COL19A1: variants seen among roughly 807,000 people sequenced by gnomAD.
The protein encoded by COL19A1 is collagen alpha-1(XIX) chain.
In COL19A1, 159 loss-of-function variants were observed where a neutral mutation model predicts 190.2. The observed-to-expected ratio is 0.84, with a 90% CI of 0.73 to 0.95. The LOEUF (loss-of-function observed/expected upper bound fraction) is 0.95. Ranked by LOEUF, COL19A1 falls within the 40% of genes least tolerant of loss-of-function variation. The pLI, the probability that COL19A1 is intolerant of heterozygous loss-of-function variation, is 0.00. For missense variants in COL19A1, 1,418 were observed against 1,431.9 expected (o/e 0.99, Z 0.16); for synonymous variants, 509 against 458.9 (o/e 1.11, Z -1.39).
At chr6:70,084,836 A>T (rs1185766170) in intron 15 of COL19A1, among the ~76,000 whole-genome samples, 3 of 152,136 alleles carry the variant, frequency 2.0e-5, no homozygotes, top group Non-Finnish European at 4.4e-5. Context: ...ATTTTTATTA[A>T]TAAAATGTAA....
chr6:69,965,194 T>C (rs1316471435), intron 11 of COL19A1, among the ~76,000 whole-genome samples: 1 of 152,240 alleles, frequency 6.6e-6, no homozygotes, highest in Non-Finnish European at 1.5e-5. Context: ...ATTACCCTAC[T>C]GTGGCCTTTA....
Position 70,130,285 on chromosome 6 carries a change from G to C in COL19A1, c.1383+62G>C, listed in dbSNP as rs1230111463. 5 of 1,409,664 alleles carry C rather than the reference G, an allele frequency of 3.5e-6. No individual in the cohort carries two copies. The East Asian group carries it at 1.2e-4, about 34-fold the overall frequency. 87.3% of individuals were successfully genotyped at this position (1,409,664 alleles called of 1,614,324 possible). A position where few individuals can be genotyped will look rare whatever the true frequency, so the allele number is the denominator to read the frequency against. On this transcript the variant is annotated intron_variant, in intron 18 of 50. Coordinates refer to ENST00000620364, the MANE Select transcript of COL19A1 (RefSeq NM_001858.6). ...CTGTTGCCCAGGCTGGAGTGCAGTG[G>C]CACAATCTTGGCTCACTATAACCTC...
At chr6:70,144,778 GGTGAGTGA>G (rs769452942) in intron 24 of COL19A1, 132 bp from the exon 25 acceptor site, 4 of 664,138 alleles carry the variant, frequency 6.0e-6, no homozygotes, top group East Asian at 2.7e-5. Context: ...TGAGTGAGTT[GGTGAGTGA>G]GTGAGTGAGT....
intron 18 of COL19A1, among the ~76,000 whole-genome samples, chr6:70,132,427 C>T (rs1008808037): frequency 2.0e-5 from 3 of 152,142 alleles, no homozygotes; most frequent in Admixed American, 6.5e-5. Context: ...CAAACATGAG[C>T]ATAGCAGTTG....
chr6:70,083,983 T>A (rs989833194), intron 15 of COL19A1, among the ~76,000 whole-genome samples: 1 of 152,108 alleles, frequency 6.6e-6, no homozygotes, highest in South Asian at 2.1e-4. Flanking sequence ...TTCAACCTTT[T>A]TTCCCCCCGG....
intron 9 of COL19A1, among the ~76,000 whole-genome samples, chr6:69,949,542 T>A (rs575537557): frequency 1.3e-5 from 2 of 152,038 alleles, no homozygotes; most frequent in Admixed American, 1.3e-4. Flanking sequence ...AATTTCAAAA[T>A]TTTAAAATCA....
chr6:70,128,834 T>C (rs1785349629), intron 17 of COL19A1, among the ~76,000 whole-genome samples: 2 of 152,200 alleles, frequency 1.3e-5, no homozygotes, highest in Admixed American at 6.5e-5. Flanking sequence ...CTTTCTCATA[T>C]CTTTGTGACA....
intron 16 of COL19A1, among the ~76,000 whole-genome samples, chr6:70,106,057 G>A (rs1783939818): frequency 6.6e-6 from 1 of 152,026 alleles, no homozygotes; most frequent in Non-Finnish European, 1.5e-5. Context: ...ATAAGAAAAT[G>A]TTCTTCCCTT....
At chr6:70,043,208 T>C (rs976882169) in intron 14 of COL19A1, among the ~76,000 whole-genome samples, 3 of 151,912 alleles carry the variant, frequency 2.0e-5, no homozygotes, top group South Asian at 2.1e-4. Flanking sequence ...TTTTTTTTTT[T>C]TGAGAAGGAG....
At chr6:70,049,928 T>C (rs533732386) in intron 14 of COL19A1, among the ~76,000 whole-genome samples, 19 of 152,244 alleles carry the variant, frequency 1.2e-4, no homozygotes, top group African/African-American at 4.6e-4. Context: ...TATATTGATA[T>C]ATTAAATGGA....
chr6:70,180,596 C>G, intron 44 of COL19A1, 73 bp downstream of exon 44: 1 of 1,488,424 alleles, frequency 6.7e-7, no homozygotes, highest in Non-Finnish European at 9.4e-7. Context: ...TCTACCACCT[C>G]AGAAATTCTG....
intron 4 of COL19A1, among the ~76,000 whole-genome samples, chr6:69,908,505 T>C (rs1248447169): frequency 2.0e-5 from 3 of 152,210 alleles, no homozygotes; most frequent in Non-Finnish European, 4.4e-5. Flanking sequence ...GTCATACTTT[T>C]TTTAAATGGA....
Position 69,927,056 on chromosome 6 carries a change from T to TA in COL19A1, c.267-846dup, listed in dbSNP as rs1192990043. Among the ~76,000 whole-genome samples the TA allele has an allele frequency of 7.9e-5, 12 of 152,174 alleles. No homozygotes were observed. The East Asian group carries it at 1.7e-3, about 22-fold the overall frequency. On this transcript the variant is annotated intron_variant, in intron 4 of 50. Transcript: ENST00000620364. ...CAAAACTGAAGGTGAAATTAAGGAT[T>TA]AAAAAAACCCAGAATTTGAGACTAG... is the stretch of plus-strand genomic sequence containing the variant.
At chr6:70,059,897 C>T (rs3793043) in intron 14 of COL19A1, 12,999 of 344,324 alleles carry the variant, frequency 0.038, 334 homozygotes, top group Non-Finnish European at 0.053. Context: ...CATTGATAGG[C>T]ATTTTTCATC....
At chr6:69,956,169 G>A (rs1194951008) in intron 9 of COL19A1, among the ~76,000 whole-genome samples, 1 of 151,852 alleles carries the variant, frequency 6.6e-6, no homozygotes, top group Non-Finnish European at 1.5e-5. Flanking sequence ...GATGTTGTTA[G>A]CTACCACTAA....
At chr6:69,895,074 T>C (rs1769625924) in intron 2 of COL19A1, among the ~76,000 whole-genome samples, 1 of 152,232 alleles carries the variant, frequency 6.6e-6, no homozygotes, top group South Asian at 2.1e-4. Context: ...GTTAAACCCG[T>C]TAGCCAGGGA....
At chr6:70,187,206 T>C (rs1014041471) in intron 46 of COL19A1, among the ~76,000 whole-genome samples, 1 of 152,168 alleles carries the variant, frequency 6.6e-6, no homozygotes, top group Non-Finnish European at 1.5e-5. Context: ...AGTTCATTTA[T>C]ACTATTGAGT....
At chr6:69,876,110 A>C (rs1039527935) in intron 1 of COL19A1, among the ~76,000 whole-genome samples, 2 of 152,144 alleles carry the variant, frequency 1.3e-5, no homozygotes, top group Admixed American at 6.5e-5. Context: ...AGGGAAGAGA[A>C]ACGGATTCTT....
At chr6:70,076,013 A>T (rs559099375) in intron 15 of COL19A1, among the ~76,000 whole-genome samples, 1 of 152,314 alleles carries the variant, frequency 6.6e-6, no homozygotes, top group African/African-American at 2.4e-5. Context: ...ATGTGAATAG[A>T]CCCAAGAGCT....
Sources: allele counts gnomAD v4.1 joint callset (sites outside exome capture counted in the v4.1 genomes callset), GRCh38; gene constraint gnomAD v4.1.1; transcripts MANE v1.5; gene names NCBI Gene and HGNC (gene_info 2026-07-23, HGNC 2026-07-21).